The following TMCC3 variants were observed in gnomAD, a reference collection of about 807,000 sequenced individuals.
TMCC3 encodes transmembrane and coiled-coil domain family 3.
A neutral mutation model predicts 40.2 loss-of-function variants in TMCC3; 28 were observed. That is an observed-to-expected ratio of 0.70 (90% CI 0.52 to 0.95). The LOEUF (loss-of-function observed/expected upper bound fraction) is 0.95, where lower values mean the gene tolerates loss of function less well. Among genes scored for constraint, TMCC3 ranks in the 40% least tolerant of loss-of-function variants. The pLI, the probability that TMCC3 is intolerant of heterozygous loss-of-function variation, is 0.00. For missense variants in TMCC3, 554 were observed against 615.2 expected, an observed-to-expected ratio of 0.90 and a Z score of 1.05; for synonymous variants, 255 against 248.5, an observed-to-expected ratio of 1.03 and a Z score of -0.25.
chr12:94,618,710 T>C (rs1316173835), intron 1 of TMCC3, among the ~76,000 whole-genome samples: 1 of 152,200 alleles, frequency 6.6e-6, no homozygotes, highest in Non-Finnish European at 1.5e-5. Context: ...TTCTTGATTC[T>C]CTAGGATGTT....
chr12:94,605,559 A>G (rs561842740), intron 1 of TMCC3, among the ~76,000 whole-genome samples: 1 of 152,292 alleles, frequency 6.6e-6, no homozygotes, highest in African/African-American at 2.4e-5. Context: ...TCTTACCTAA[A>G]AGAACACTGT....
intron 1 of TMCC3, among the ~76,000 whole-genome samples, chr12:94,649,812 GAGGC>G (rs2069043188): frequency 2.0e-5 from 3 of 152,258 alleles, no homozygotes; most frequent in African/African-American, 7.2e-5. Flanking sequence ...AAACTCCGGA[GAGGC>G]AGCGCAAAGA....
chr12:94,612,875 G>T (rs2068824635), intron 1 of TMCC3, among the ~76,000 whole-genome samples: 2 of 152,148 alleles, frequency 1.3e-5, no homozygotes, highest in South Asian at 4.1e-4. Context: ...ATTTGAGCAT[G>T]TGCATCCCCT....
chr12:94,626,376 A>G (rs962337842), intron 1 of TMCC3, among the ~76,000 whole-genome samples: 16 of 152,334 alleles, frequency 1.1e-4, no homozygotes, highest in African/African-American at 3.4e-4. Context: ...TCACAAGCCA[A>G]AAGTAGAGAG....
intron 1 of TMCC3, among the ~76,000 whole-genome samples, chr12:94,613,264 A>C (rs1045099166): frequency 2.0e-5 from 3 of 151,956 alleles, no homozygotes; most frequent in Non-Finnish European, 4.4e-5. Flanking sequence ...AGAGTTCGAG[A>C]TCAACATGGG....
At chr12:94,639,100 T>C (rs2068975560) in intron 1 of TMCC3, among the ~76,000 whole-genome samples, 1 of 152,198 alleles carries the variant, frequency 6.6e-6, no homozygotes, top group Non-Finnish European at 1.5e-5. Flanking sequence ...CTTCGGCCTA[T>C]CGTCATCCAT....
rs555662392 is a variant in TMCC3, at chr12:94,567,349, T to A, written c.*4086A>T. ...CATTTCCAGTTTCTACTTTCAGAGT[T>A]GCTAACTACTGCCTAAACATATCTT... On this transcript the variant is annotated 3_prime_UTR_variant, in exon 4 of 4. Coordinates refer to ENST00000261226, the MANE Select transcript of TMCC3 (RefSeq NM_020698.4). 1 of 152,370 alleles carries A rather than the reference T, an allele frequency of 6.6e-6. No homozygotes were observed. The highest frequency in any genetic ancestry group is 2.4e-5 in the African/African-American group (1 of 41,594). 9.4% of individuals were successfully genotyped at this position (152,370 alleles called of 1,614,324 possible). A position where few individuals can be genotyped will look rare whatever the true frequency, so the allele number is the denominator to read the frequency against.
intron 1 of TMCC3, among the ~76,000 whole-genome samples, chr12:94,603,518 C>T (rs2068764819): frequency 6.6e-6 from 1 of 152,182 alleles, no homozygotes; most frequent in South Asian, 2.1e-4. Context: ...CCAGACAAAT[C>T]TCACGTGTGT....
At chr12:94,650,302 C>G in intron 1 of TMCC3, 51 bp downstream of exon 1, 1 of 1,157,312 alleles carries the variant, frequency 8.6e-7, no homozygotes, top group Non-Finnish European at 1.1e-6. Context: ...CCCAGCCCGC[C>G]TCGCCCCCGG....
Position 94,581,776 on chromosome 12 carries a change from G to T in TMCC3, c.841C>A (p.Leu281Met). Residue 281 changes from leucine to methionine, a missense_variant, in exon 2 of 4, where the codon CTG becomes ATG. Leu to Met is a conservative substitution (Grantham distance 15). Transcript: ENST00000261226. ...QSFGAGGAST[L>M]DSQGKLAVIL... ...ACGGCGAGCTTGCCCTGGCTGTCCAGTGTGCTGGCTCCACCAGCCCCAAAC... is the reference window on the plus strand; with the variant it reads ...ACGGCGAGCTTGCCCTGGCTGTCCATTGTGCTGGCTCCACCAGCCCCAAAC... The T allele has an allele frequency of 6.2e-7, 1 of 1,614,166 alleles. No homozygotes were observed. The highest frequency in any genetic ancestry group is 1.1e-5 in the South Asian group (1 of 91,084).
intron 1 of TMCC3, among the ~76,000 whole-genome samples, chr12:94,598,212 C>G (rs1214461973): frequency 6.6e-6 from 1 of 152,208 alleles, no homozygotes; most frequent in Non-Finnish European, 1.5e-5. Flanking sequence ...TAATAAGTGG[C>G]AGAGCCATGT....
At chr12:94,643,016 C>A (rs1049800079) in intron 1 of TMCC3, among the ~76,000 whole-genome samples, 2 of 152,054 alleles carry the variant, frequency 1.3e-5, no homozygotes, top group African/African-American at 4.8e-5. Context: ...CATAGTGAAA[C>A]CCCGTCTCTA....
At position 94,596,508 on chromosome 12, in the gene TMCC3, C is replaced by T. The variant is rs117048512; in HGVS notation, c.79-13970G>A. 3.2e-3 allele frequency among the ~76,000 whole-genome samples: 492 copies of T among 152,314 alleles called. 11 individuals carry two copies. The East Asian group carries it at 0.062, about 19-fold the overall frequency. On this transcript the variant is annotated intron_variant, in intron 1 of 3. Transcript: ENST00000261226. ...TCTCTTCCACAGAGGTTCTCCCACCCCCACGCCCAGCTAGGATTGACTGCT... is the reference window on the plus strand; with the variant it reads ...TCTCTTCCACAGAGGTTCTCCCACCTCCACGCCCAGCTAGGATTGACTGCT...
At chr12:94,572,547 G>A (rs866683950) in intron 3 of TMCC3, among the ~76,000 whole-genome samples, 23 of 151,946 alleles carry the variant, frequency 1.5e-4, no homozygotes, top group South Asian at 4.1e-4. Context: ...CTGACCTCAA[G>A]TGATCTGCCT....
intron 1 of TMCC3, among the ~76,000 whole-genome samples, chr12:94,603,369 G>C (rs780358040): frequency 5.9e-5 from 9 of 151,778 alleles, no homozygotes; most frequent in Non-Finnish European, 8.8e-5. Flanking sequence ...TGCCTGCCTT[G>C]GTCTCCCAAA....
intron 1 of TMCC3, among the ~76,000 whole-genome samples, chr12:94,611,578 G>C (rs2068815986): frequency 6.6e-6 from 1 of 152,116 alleles, no homozygotes; most frequent in South Asian, 2.1e-4. Flanking sequence ...GGAATCCATG[G>C]GGGATTGGTT....
intron 1 of TMCC3, among the ~76,000 whole-genome samples, chr12:94,649,563 C>T (rs2069041105): frequency 6.6e-6 from 1 of 152,238 alleles, no homozygotes; most frequent in African/African-American, 2.4e-5. Flanking sequence ...TACAGAGCCT[C>T]ACATCCAGCC....
At chr12:94,608,321 G>C (rs185974164) in intron 1 of TMCC3, among the ~76,000 whole-genome samples, 1 of 152,230 alleles carries the variant, frequency 6.6e-6, no homozygotes, top group Non-Finnish European at 1.5e-5. Flanking sequence ...CTTTCCAACT[G>C]TTCTTGTTCC....
intron 1 of TMCC3, among the ~76,000 whole-genome samples, chr12:94,648,118 A>G (rs1228354816): frequency 6.6e-6 from 1 of 152,232 alleles, no homozygotes; most frequent in East Asian, 1.9e-4. Context: ...ATCCGCACAT[A>G]TAATGTCTAA....
Sources: gnomAD v4.1 joint callset for allele counts (sites outside exome capture counted in the v4.1 genomes callset) on GRCh38, gnomAD v4.1.1 for gene constraint, MANE v1.5 for transcripts, NCBI Gene and HGNC (gene_info 2026-07-23, HGNC 2026-07-21) for gene names.